KCNN2: variants seen among roughly 807,000 people sequenced by gnomAD.
KCNN2 encodes small conductance calcium-activated potassium channel protein 2.
Under a neutral mutation model 55.5 loss-of-function variants are expected in KCNN2, and 24 were observed. The observed-to-expected ratio is 0.43, with a 90% CI of 0.31 to 0.61. The LOEUF is 0.61. KCNN2 is among the 20% of genes least tolerant of loss of function. The pLI is 0.08. For synonymous variants in KCNN2, 431 were observed against 336.1 expected (o/e 1.28, Z -3.09); for missense variants, 754 against 853.6 (o/e 0.88, Z 1.45).
chr5:114,353,695 G>T (rs1391515431), intron 2 of KCNN2, among the ~76,000 whole-genome samples: 1 of 151,774 alleles, frequency 6.6e-6, no homozygotes, highest in Non-Finnish European at 1.5e-5. Context: ...CTTCATGTTT[G>T]TTAACGTTAC....
chr5:114,492,486 C>A (rs1175857433), intron 6 of KCNN2, among the ~76,000 whole-genome samples: 4 of 152,076 alleles, frequency 2.6e-5, no homozygotes, highest in African/African-American at 9.7e-5. Flanking sequence ...GAACAATAAA[C>A]CACACTTCTC....
At chr5:114,456,844 A>G (rs1343204178) in intron 3 of KCNN2, among the ~76,000 whole-genome samples, 9 of 152,178 alleles carry the variant, frequency 5.9e-5, no homozygotes, top group Admixed American at 5.9e-4. Context: ...AGCCTGAATA[A>G]GTGATTGAAT....
At chr5:114,213,016 G>A (rs985306213) in intron 1 of KCNN2, among the ~76,000 whole-genome samples, 3 of 151,972 alleles carry the variant, frequency 2.0e-5, no homozygotes, top group African/African-American at 7.2e-5. Context: ...CCCTGTAAAT[G>A]AGATGCTGGG....
In KCNN2 at chr5:114,140,597, A is replaced by T. The variant is rs76561310; in HGVS notation, c.-270-80883A>T. On this transcript the variant is annotated intron_variant, in intron 1 of 10. Coordinates refer to the KCNN2 transcript ENST00000512097. ...AAAATAACTGAAGAGAAAAATTTTT[A>T]TACAAATAAATCAAATTCTGTAAAT... Among the ~76,000 whole-genome samples, 466 of 152,112 alleles carry T rather than the reference A, an allele frequency of 3.1e-3. 2 individuals carry two copies. The highest frequency in any genetic ancestry group is 0.011 in the African/African-American group (446 of 41,526).
At chr5:114,193,780 G>T (rs1561517201) in intron 1 of KCNN2, among the ~76,000 whole-genome samples, 1 of 151,628 alleles carries the variant, frequency 6.6e-6, no homozygotes. Context: ...TCAAGCTCTA[G>T]AAACTTAGAA....
chr5:114,451,667 C>T (rs1483439032), intron 3 of KCNN2, among the ~76,000 whole-genome samples: 4 of 151,980 alleles, frequency 2.6e-5, no homozygotes, highest in South Asian at 2.1e-4. Context: ...GAGGCCAAGG[C>T]GGGCGGATTA....
chr5:114,363,849 G>C, intron 1 of KCNN2, 57 bp from the exon 2 acceptor site: 1 of 1,276,186 alleles, frequency 7.8e-7, no homozygotes, highest in Non-Finnish European at 1.1e-6. Flanking sequence ...CTGGGGACGT[G>C]GAAGGCGGTT....
At chr5:114,118,147 T>G (rs1307566659) in intron 1 of KCNN2, among the ~76,000 whole-genome samples, 1 of 152,192 alleles carries the variant, frequency 6.6e-6, no homozygotes, top group East Asian at 1.9e-4. Flanking sequence ...TTTACAGCAT[T>G]TCCCTAGCTT....
intron 2 of KCNN2, among the ~76,000 whole-genome samples, chr5:114,295,596 A>G (rs935081992): frequency 5.5e-4 from 84 of 152,250 alleles, no homozygotes; most frequent in Non-Finnish European, 4.4e-5. Context: ...TCCAGGTGCC[A>G]TCTGTCACCC....
At chr5:114,113,853 A>C (rs2112586744) in intron 1 of KCNN2, among the ~76,000 whole-genome samples, 1 of 152,212 alleles carries the variant, frequency 6.6e-6, no homozygotes, top group Non-Finnish European at 1.5e-5. Flanking sequence ...CTCATTGCTC[A>C]GGAGTTTCTG....
intron 1 of KCNN2, among the ~76,000 whole-genome samples, chr5:114,070,787 G>T (rs1183571056): frequency 7.2e-5 from 11 of 152,334 alleles, no homozygotes; most frequent in African/African-American, 7.2e-5. Flanking sequence ...ATGCTTCCTA[G>T]TGTGTAAAGG....
intron 2 of KCNN2, among the ~76,000 whole-genome samples, chr5:114,292,685 G>A (rs1352583302): frequency 6.6e-6 from 1 of 152,074 alleles, no homozygotes; most frequent in East Asian, 1.9e-4. Flanking sequence ...GCTCTTTTTT[G>A]GTTCCATATG....
intron 2 of KCNN2, among the ~76,000 whole-genome samples, chr5:114,307,181 G>A (rs1756297407): frequency 6.6e-6 from 1 of 152,106 alleles, no homozygotes; most frequent in African/African-American, 2.4e-5. Flanking sequence ...CATTTATGGT[G>A]TCATTGGGTT....
intron 3 of KCNN2, among the ~76,000 whole-genome samples, chr5:114,436,578 C>G (rs755122307): frequency 6.6e-6 from 1 of 152,170 alleles, no homozygotes; most frequent in Non-Finnish European, 1.5e-5. Flanking sequence ...GGCATACATA[C>G]TTGGACGGTT....
At chr5:114,388,656 C>T (rs1287833486) in intron 2 of KCNN2, among the ~76,000 whole-genome samples, 2 of 152,096 alleles carry the variant, frequency 1.3e-5, no homozygotes, top group Non-Finnish European at 2.9e-5. Context: ...GCATGCAGAG[C>T]ACTCCTTAGC....
upstream of KCNN2, among the ~76,000 whole-genome samples, chr5:114,358,328 G>A (rs867431969): frequency 2.8e-4 from 42 of 152,096 alleles, no homozygotes; most frequent in Non-Finnish European, 4.7e-4. Context: ...CCAAGCTCCT[G>A]TGGTCTGAAA....
intron 2 of KCNN2, among the ~76,000 whole-genome samples, chr5:114,253,166 G>T (rs1754909747): frequency 7.2e-6 from 1 of 138,520 alleles, no homozygotes; most frequent in Admixed American, 7.8e-5. Context: ...GCAAAACCTG[G>T]TGACGGTCTT....
At chr5:114,077,675 A>G (rs1750710285) in intron 1 of KCNN2, among the ~76,000 whole-genome samples, 1 of 152,194 alleles carries the variant, frequency 6.6e-6, no homozygotes, top group Non-Finnish European at 1.5e-5. Flanking sequence ...CAAGTAGGGA[A>G]CTGGAACTGC....
chr5:114,431,031 A>G (rs1456122487), intron 3 of KCNN2, among the ~76,000 whole-genome samples: 1 of 152,054 alleles, frequency 6.6e-6, no homozygotes, highest in Non-Finnish European at 1.5e-5. Context: ...TTCATGAGAG[A>G]TATTGGTTGA....
Sources: gnomAD v4.1 joint callset for allele counts (sites outside exome capture counted in the v4.1 genomes callset) on GRCh38, gnomAD v4.1.1 for gene constraint, MANE v1.5 for transcripts, NCBI Gene and HGNC (gene_info 2026-07-23, HGNC 2026-07-21) for gene names.